Variants in PCGF2 observed in about 807,000 individuals in gnomAD.
PCGF2 encodes polycomb group ring finger 2, also known as polycomb group RING finger protein 2.
A neutral mutation model predicts 36.1 loss-of-function variants in PCGF2; 8 were observed. The ratio of observed to expected loss-of-function variants is 0.22; its 90% CI spans 0.13 to 0.40. The LOEUF is 0.40. Ranked by LOEUF, PCGF2 falls within the 10% of genes least tolerant of loss-of-function variation. PCGF2 has a pLI of 1.00. For synonymous variants in PCGF2, 198 were observed against 191.2 expected (o/e 1.04, Z -0.29); for missense variants, 436 against 475.9 (o/e 0.92, Z 0.78).
chr17:38,739,600 C>T lies in PCGF2; in HGVS notation c.195G>A (p.Pro65=), dbSNP rs548106450. The T allele has an allele frequency of 1.4e-5, 22 of 1,613,378 alleles. No homozygotes were observed. The highest frequency in any genetic ancestry group is 3.3e-4 in the Middle Eastern group (2 of 6,060). The part of the protein sequence containing the change: ...MCDVQVHKTR[P]LLSIRSDKTL... ...GCCAAGCCCACCTGATGCTCAGCAGCGGCCGGGTTTTATGGACCTGCACGT... is the reference window on the plus strand; with the variant it reads ...GCCAAGCCCACCTGATGCTCAGCAGTGGCCGGGTTTTATGGACCTGCACGT... The change falls in exon 4 of 11, where the codon CCG becomes CCA. Residue 65 remains proline, a synonymous_variant. Transcript: ENST00000620225. The surrounding 1 kb of genome is among the most constrained non-coding windows in gnomAD (Gnocchi z 4.0).
At chr17:38,742,160 G>C (rs1024228675) in intron 2 of PCGF2, among the ~76,000 whole-genome samples, 1 of 152,168 alleles carries the variant, frequency 6.6e-6, no homozygotes, top group East Asian at 1.9e-4. Flanking sequence ...TCTTGGTAAA[G>C]AAATCAAACC....
chr17:38,742,517 G>C (rs1907264728), intron 2 of PCGF2, among the ~76,000 whole-genome samples: 1 of 152,192 alleles, frequency 6.6e-6, no homozygotes, highest in Non-Finnish European at 1.5e-5. Context: ...AGGGGCACAA[G>C]CCAGTCCTAC....
intron 2 of PCGF2, among the ~76,000 whole-genome samples, chr17:38,744,743 G>A (rs1049368174): frequency 6.6e-6 from 1 of 152,194 alleles, no homozygotes; most frequent in Non-Finnish European, 1.5e-5. Flanking sequence ...TGTGGAAACA[G>A]TGGGTCTCCC....
chr17:38,748,188 C>T lies in PCGF2; in HGVS notation c.-134+8G>A, dbSNP rs937396687. ...GAGGGAAAGGCAGGGGGAGTCCGCT[C>T]CGCTTACCTGGGTTCGGGGTCCGGT... On this transcript the variant is annotated splice_region_variant and intron_variant, in intron 1 of 10. Transcript: ENST00000620225. 4 of 135,170 alleles carry T rather than the reference C, an allele frequency of 3.0e-5. No homozygotes were observed. The highest frequency in any genetic ancestry group is 1.1e-4 in the African/African-American group (4 of 36,312). 8.4% of individuals were successfully genotyped at this position (135,170 alleles called of 1,614,324 possible). A position where few individuals can be genotyped will look rare whatever the true frequency, so the allele number is the denominator to read the frequency against.
intron 2 of PCGF2, among the ~76,000 whole-genome samples, chr17:38,742,889 C>T (rs182754511): frequency 6.6e-6 from 1 of 152,288 alleles, no homozygotes; most frequent in African/African-American, 2.4e-5. Flanking sequence ...TGCAGAGCCA[C>T]CAACAAACAT....
At chr17:38,736,624 G>T (rs1906754995) in intron 9 of PCGF2, among the ~76,000 whole-genome samples, 1 of 151,660 alleles carries the variant, frequency 6.6e-6, no homozygotes. Context: ...CACAAGGTCA[G>T]GAGATCGAGA....
At position 38,739,747 on chromosome 17, in the gene PCGF2, G is replaced by A. The variant is rs576479291; in HGVS notation, c.113-65C>T. 160 of 1,187,248 alleles carry A rather than the reference G, an allele frequency of 1.3e-4. No individual in the cohort carries two copies. In the East Asian group the frequency reaches 1.5e-3, roughly 11 times the overall value. The allele number at this position is 1,187,248 out of a possible 1,614,324, so 73.5% of individuals were successfully genotyped here. ...TTCCAACTCCAGGACCAGCCTCCCC[G>A]CCCTCTGCTCAGACTCAGATATCCC... On this transcript the variant is annotated intron_variant, in intron 3 of 10. Coordinates refer to ENST00000620225, the MANE Select transcript of PCGF2 (RefSeq NM_007144.3). This position sits in a 1 kb window ranked among gnomAD's most constrained non-coding sequence, Gnocchi z 4.0.
chr17:38,741,697 T>C (rs1293886799), intron 2 of PCGF2, among the ~76,000 whole-genome samples: 1 of 152,172 alleles, frequency 6.6e-6, no homozygotes. Context: ...ATCATTTGGC[T>C]TCCAGGCCTG....
chr17:38,742,451 G>A (rs1670432013), intron 2 of PCGF2, among the ~76,000 whole-genome samples: 1 of 152,240 alleles, frequency 6.6e-6, no homozygotes, highest in South Asian at 2.1e-4. Flanking sequence ...GACCGAAAGA[G>A]ATGCAGAGAC....
In PCGF2 at chr17:38,735,457, G is replaced by A. The variant is rs1366818219; in HGVS notation, c.801C>T (p.Ala267=). ...GGGAGGAGGAGGTGGCTGGCAGGGT[G>A]GCAGGGCTGGGAGCCTTGTCGCTGA... ...ESVSDKAPSP[A]TLPATSSSLP... is the part of the protein sequence containing the mutation. The change falls in exon 11 of 11, where the codon GCC becomes GCT. Residue 267 remains alanine, a synonymous_variant. Coordinates refer to ENST00000620225, the MANE Select transcript of PCGF2 (RefSeq NM_007144.3). The A allele has an allele frequency of 1.9e-6, 3 of 1,588,526 alleles. No individual in the cohort carries two copies. Among genetic ancestry groups the A allele is most frequent in the African/African-American group, 2.7e-5 (2 of 74,458 alleles).
chr17:38,743,392 A>T (rs2143133461), intron 2 of PCGF2, among the ~76,000 whole-genome samples: 1 of 85,118 alleles, frequency 1.2e-5, no homozygotes, highest in East Asian at 4.8e-4. Flanking sequence ...CACCCGGCTG[A>T]CACTTGCTTT....
In PCGF2 at chr17:38,735,541, G is replaced by A; in HGVS notation, c.717C>T (p.Ala239=). The A allele has an allele frequency of 6.3e-7, 1 of 1,588,566 alleles. No homozygotes were observed. Among genetic ancestry groups the A allele is most frequent in the Non-Finnish European group, 8.6e-7 (1 of 1,167,224 alleles). ...VQPACKRLTL[A]TVPTPSEGTN... ...TGCCCTCGGAGGGGGTGGGCACCGT[G>A]GCTAGGGTGAGCCGCTTGCAGGCTG... is the stretch of plus-strand genomic sequence containing the variant. The change falls in exon 11 of 11, where the codon GCC becomes GCT. Residue 239 remains alanine, a synonymous_variant. Coordinates refer to ENST00000620225, the MANE Select transcript of PCGF2 (RefSeq NM_007144.3).
chr17:38,747,300 G>T (rs1157067241), intron 2 of PCGF2, among the ~76,000 whole-genome samples: 1 of 152,108 alleles, frequency 6.6e-6, no homozygotes, highest in African/African-American at 2.4e-5. Context: ...GAGGGCGTGC[G>T]CAGGGTGGGG....
At chr17:38,738,289 C>T in intron 9 of PCGF2, 64 bp downstream of exon 9, 1 of 1,349,970 alleles carries the variant, frequency 7.4e-7, no homozygotes, top group Non-Finnish European at 1.1e-6. Context: ...AATGGCTGGG[C>T]TGCACAGACT....
chr17:38,735,702 GA>G (rs1159649612), intron 10 of PCGF2, 102 bp from the exon 11 acceptor site: 2 of 1,399,530 alleles, frequency 1.4e-6, no homozygotes, highest in East Asian at 2.5e-5. Context: ...GTCCAAACTC[GA>G]AAAAAGGGAT....
Position 38,739,702 on chromosome 17 carries a change from A to C in PCGF2, c.113-20T>G. ...TGCAGACTTGGGGGTGTGGAGAGAG[A>C]GAGGAGAGTCAGAGCCAACTTCCAA... On this transcript the variant is annotated intron_variant, in intron 3 of 10. Transcript: ENST00000620225. The surrounding 1 kb of genome is among the most constrained non-coding windows in gnomAD (Gnocchi z 4.0). The C allele has an allele frequency of 6.3e-7, 1 of 1,599,600 alleles. No homozygotes were observed. The highest frequency in any genetic ancestry group is 8.6e-7 in the Non-Finnish European group (1 of 1,166,836).
intron 2 of PCGF2, among the ~76,000 whole-genome samples, chr17:38,742,046 G>A (rs1001628729): frequency 6.6e-6 from 1 of 152,228 alleles, no homozygotes; most frequent in African/African-American, 2.4e-5. Flanking sequence ...CCAAAGCTGG[G>A]CAGAAAGTGC....
Position 38,739,487 on chromosome 17 carries a change from A to G in PCGF2, c.209+99T>C. On this transcript the variant is annotated intron_variant, in intron 4 of 10. Transcript: ENST00000620225. This position sits in a 1 kb window ranked among gnomAD's most constrained non-coding sequence, Gnocchi z 4.0. ...CAGGTCCACACCCCATGCTTCTCCT[A>G]CACCTGCCGCCTTGGCTGAAGGAAG... 9.5e-7 allele frequency: 1 copy of G among 1,054,408 alleles called. No individual in the cohort carries two copies. Among genetic ancestry groups the G allele is most frequent in the Non-Finnish European group, 1.5e-6 (1 of 673,970 alleles). 65.3% of individuals were successfully genotyped at this position (1,054,408 alleles called of 1,614,324 possible).
chr17:38,738,425 G>A lies in PCGF2; in HGVS notation c.504C>T (p.Cys168=). The A allele has an allele frequency of 6.2e-7, 1 of 1,614,192 alleles. No homozygotes were observed. Among genetic ancestry groups the A allele is most frequent in the Non-Finnish European group, 8.5e-7 (1 of 1,180,010 alleles). Residue 168 remains cysteine, a synonymous_variant, in exon 9 of 11, where the codon TGC becomes TGT. Transcript: ENST00000620225. ...GATGCATGACGGTCATGGCTGCTGG[G>A]CATCGCAGGAAGCGCACCCCTGTCT... ...KEKTGVRFLR[C]PAAMTVMHLA...
Sources: gnomAD v4.1 joint callset for allele counts (sites outside exome capture counted in the v4.1 genomes callset) on GRCh38, gnomAD v4.1.1 for gene constraint, Gnocchi (gnomAD v3.1) non-coding constraint, MANE v1.5 for transcripts, NCBI Gene and HGNC (gene_info 2026-07-23, HGNC 2026-07-21) for gene names.